Variants in ERBB4 observed in about 807,000 individuals in gnomAD.
ERBB4 encodes the protein erb-b2 receptor tyrosine kinase 4.
Under a neutral mutation model 158.0 loss-of-function variants are expected in ERBB4, and 42 were observed. The observed-to-expected ratio is 0.27, with a 90% CI of 0.21 to 0.34. ERBB4 has a LOEUF of 0.34. Among genes scored for constraint, ERBB4 ranks in the 10% least tolerant of loss-of-function variants. The probability of loss-of-function intolerance (pLI) is 1.00; values close to 1 mark genes in which losing one functional copy is unlikely to be tolerated. For missense variants in ERBB4, 1,333 were observed against 1,624.1 expected (o/e 0.82, Z 3.08); for synonymous variants, 583 against 558.7 (o/e 1.04, Z -0.61).
chr2:211,851,699 T>A (rs191283664), intron 3 of ERBB4, among the ~76,000 whole-genome samples: 6 of 152,070 alleles, frequency 3.9e-5, no homozygotes, highest in African/African-American at 1.4e-4. Flanking sequence ...AAAATAGCCC[T>A]TGCCTTCAAA....
At chr2:212,228,738 G>A (rs2083563081) in intron 1 of ERBB4, among the ~76,000 whole-genome samples, 1 of 152,188 alleles carries the variant, frequency 6.6e-6, no homozygotes, top group African/African-American at 2.4e-5. Context: ...TGTCCGTATA[G>A]CACCAGTTAT....
chr2:211,431,222 T>C, intron 20 of ERBB4, 122 bp from the exon 21 acceptor site: 1 of 837,928 alleles, frequency 1.2e-6, no homozygotes, highest in Non-Finnish European at 1.9e-6. Flanking sequence ...GCCAGAATCC[T>C]AGAATATTTT....
chr2:212,128,352 G>A (rs549998215), intron 1 of ERBB4, among the ~76,000 whole-genome samples: 16 of 152,268 alleles, frequency 1.1e-4, no homozygotes, highest in South Asian at 8.3e-4. Flanking sequence ...CATGTTGCAT[G>A]ACACCTTCCC....
chr2:212,303,901 A>C (rs1219629158), intron 1 of ERBB4, among the ~76,000 whole-genome samples: 13 of 151,592 alleles, frequency 8.6e-5, no homozygotes, highest in Admixed American at 8.6e-4. Context: ...CAAAATTAAA[A>C]GTAGGAACAA....
At chr2:211,799,943 T>A (rs1267196533) in intron 3 of ERBB4, among the ~76,000 whole-genome samples, 1 of 152,210 alleles carries the variant, frequency 6.6e-6, no homozygotes, top group Non-Finnish European at 1.5e-5. Context: ...TTTGTGCATT[T>A]GCTCATTTAA....
At chr2:212,341,219 T>C (rs2088694675) in intron 1 of ERBB4, among the ~76,000 whole-genome samples, 1 of 151,748 alleles carries the variant, frequency 6.6e-6, no homozygotes, top group Non-Finnish European at 1.5e-5. Context: ...TGCTATTATA[T>C]AAAAATATAA....
chr2:212,214,996 C>A (rs1007846802), intron 1 of ERBB4, among the ~76,000 whole-genome samples: 7 of 151,500 alleles, frequency 4.6e-5, no homozygotes, highest in African/African-American at 1.7e-4. Context: ...CAAAAAAATG[C>A]ATACTTTATG....
chr2:212,217,736 T>C (rs1398501586), intron 1 of ERBB4, among the ~76,000 whole-genome samples: 1 of 151,348 alleles, frequency 6.6e-6, no homozygotes, highest in Non-Finnish European at 1.5e-5. Flanking sequence ...CAAATTCAAG[T>C]TTAAAATACT....
chr2:211,511,273 T>G (rs1369020567), intron 20 of ERBB4, among the ~76,000 whole-genome samples: 1 of 152,052 alleles, frequency 6.6e-6, no homozygotes, highest in African/African-American at 2.4e-5. Flanking sequence ...TTTTCAATTA[T>G]AGGACCTTGA....
intron 25 of ERBB4, among the ~76,000 whole-genome samples, chr2:211,413,172 A>G (rs73083852): frequency 0.018 from 2,783 of 151,302 alleles, 92 homozygotes; most frequent in African/African-American, 0.065. Context: ...GCATGGCAGT[A>G]CACAACTATA....
At chr2:212,130,535 A>C (rs1194156342) in intron 1 of ERBB4, among the ~76,000 whole-genome samples, 2 of 152,106 alleles carry the variant, frequency 1.3e-5, no homozygotes, top group African/African-American at 4.8e-5. Context: ...ATGAAACCTT[A>C]ACAATATCTA....
chr2:211,587,393 C>T (rs1241526719), intron 19 of ERBB4, among the ~76,000 whole-genome samples: 1 of 152,010 alleles, frequency 6.6e-6, no homozygotes, highest in Non-Finnish European at 1.5e-5. Context: ...ATAGAGCATA[C>T]CTCTATTCCA....
At chr2:211,594,353 T>C (rs1010975115) in intron 19 of ERBB4, among the ~76,000 whole-genome samples, 3 of 151,966 alleles carry the variant, frequency 2.0e-5, no homozygotes, top group Non-Finnish European at 4.4e-5. Context: ...GCAGGAGAAT[T>C]GCTTGAAGCT....
intron 1 of ERBB4, among the ~76,000 whole-genome samples, chr2:212,183,373 T>C (rs564359990): frequency 3.9e-5 from 6 of 152,026 alleles, no homozygotes; most frequent in Non-Finnish European, 5.9e-5. Context: ...TCTAGACAAT[T>C]TGCTATATAA....
intron 1 of ERBB4, among the ~76,000 whole-genome samples, chr2:212,339,196 T>C (rs1364222975): frequency 6.6e-6 from 1 of 152,026 alleles, no homozygotes; most frequent in East Asian, 1.9e-4. Flanking sequence ...CCAGTGTGTG[T>C]TGTTCCCCTT....
At chr2:212,197,099 G>T (rs1162212641) in intron 1 of ERBB4, among the ~76,000 whole-genome samples, 1 of 152,034 alleles carries the variant, frequency 6.6e-6, no homozygotes, top group Non-Finnish European at 1.5e-5. Flanking sequence ...GTCAGCTGGG[G>T]GAAGAGACAA....
chr2:211,876,603 A>C (rs564212053), intron 3 of ERBB4, among the ~76,000 whole-genome samples: 1 of 152,206 alleles, frequency 6.6e-6, no homozygotes, highest in Non-Finnish European at 1.5e-5. Context: ...GATTGGATTC[A>C]TGTGAAGTTC....
intron 1 of ERBB4, among the ~76,000 whole-genome samples, chr2:212,164,593 A>AAAAT (rs1276265877): frequency 6.6e-6 from 1 of 152,066 alleles, no homozygotes; most frequent in Non-Finnish European, 1.5e-5. Flanking sequence ...CCATTTTGGG[A>AAAAT]AAATAAATAA....
chr2:211,747,610 G>A (rs2075012168), intron 5 of ERBB4, among the ~76,000 whole-genome samples: 1 of 152,118 alleles, frequency 6.6e-6, no homozygotes, highest in Admixed American at 6.5e-5. Context: ...TTAGCCAACA[G>A]AAGCAGATCT....
Sources: gnomAD v4.1 joint callset for allele counts (sites outside exome capture counted in the v4.1 genomes callset) on GRCh38, gnomAD v4.1.1 for gene constraint, MANE v1.5 for transcripts, NCBI Gene and HGNC (gene_info 2026-07-23, HGNC 2026-07-21) for gene names.